The following CTNND2 variants were observed in gnomAD, a reference collection of about 807,000 sequenced individuals.
CTNND2 encodes catenin delta 2.
Under a neutral mutation model 144.4 loss-of-function variants are expected in CTNND2, and 22 were observed. That is an observed-to-expected ratio of 0.15 (90% CI 0.11 to 0.22). The LOEUF (loss-of-function observed/expected upper bound fraction) is 0.22, where lower values mean the gene tolerates loss of function less well. Among genes scored for constraint, CTNND2 ranks in the 10% least tolerant of loss-of-function variants. The probability of loss-of-function intolerance (pLI) is 1.00; values close to 1 mark genes in which losing one functional copy is unlikely to be tolerated. For missense variants in CTNND2, 1,353 were observed against 1,618.8 expected (o/e 0.84, Z 2.82); for synonymous variants, 751 against 695.6 (o/e 1.08, Z -1.25).
intron 9 of CTNND2, among the ~76,000 whole-genome samples, chr5:11,261,970 A>C (rs1744901254): frequency 6.6e-6 from 1 of 152,216 alleles, no homozygotes; most frequent in African/African-American, 2.4e-5. Context: ...TCATAAAATC[A>C]AGGTGAGTCA....
chr5:11,536,408 A>G (rs528812634), intron 3 of CTNND2, among the ~76,000 whole-genome samples: 17 of 152,142 alleles, frequency 1.1e-4, no homozygotes, highest in African/African-American at 3.9e-4. Flanking sequence ...TTATTGTACG[A>G]AAAAGATACT....
At chr5:11,726,337 G>A (rs935922274) in intron 2 of CTNND2, among the ~76,000 whole-genome samples, 1 of 151,998 alleles carries the variant, frequency 6.6e-6, no homozygotes, top group Non-Finnish European at 1.5e-5. Context: ...CTCATAGAAG[G>A]TTAAATGTAC....
intron 3 of CTNND2, among the ~76,000 whole-genome samples, chr5:11,546,536 G>C (rs1407729688): frequency 6.6e-6 from 1 of 152,052 alleles, no homozygotes; most frequent in African/African-American, 2.4e-5. Flanking sequence ...AACTTTGCTT[G>C]GTATCAGATC....
At chr5:11,069,661 G>GAGAC (rs1202623162) in intron 16 of CTNND2, among the ~76,000 whole-genome samples, 38 of 40,144 alleles carry the variant, frequency 9.5e-4, no homozygotes, top group African/African-American at 3.5e-4. Flanking sequence ...GAGAGAGAGA[G>GAGAC]AGACAGACAG....
chr5:11,868,555 T>C (rs1172201139), intron 1 of CTNND2, among the ~76,000 whole-genome samples: 4 of 152,144 alleles, frequency 2.6e-5, no homozygotes, highest in Admixed American at 6.5e-5. Flanking sequence ...CCTAAGAAGA[T>C]TGCTATCGTT....
At position 10,992,817 on chromosome 5, in the gene CTNND2, C is replaced by T. The variant is rs752950466; in HGVS notation, c.3085-140G>A. On this transcript the variant is annotated intron_variant, in intron 18 of 21. Coordinates refer to ENST00000304623, the MANE Select transcript of CTNND2 (RefSeq NM_001332.4). ...AGAGGTTCTTGAAGTTCTGCGCTCT[C>T]ATGGAGGTGAACAGAGCCAAATGTG... The T allele has an allele frequency of 7.5e-5, 88 of 1,179,756 alleles. 2 individuals are homozygous for T. The South Asian group carries it at 1.2e-3, about 17-fold the overall frequency. 73.1% of individuals were successfully genotyped at this position (1,179,756 alleles called of 1,614,324 possible).
chr5:11,117,497 G>A lies in CTNND2; in HGVS notation c.2230C>T (p.Leu744=), dbSNP rs752031679. 21 of 1,614,034 alleles carry A rather than the reference G, an allele frequency of 1.3e-5. No individual in the cohort carries two copies. Among genetic ancestry groups the A allele is most frequent in the Non-Finnish European group, 1.6e-5 (19 of 1,180,028 alleles). Residue 744 remains leucine, a synonymous_variant, in exon 13 of 22, where the codon CTG becomes TTG. Transcript: ENST00000304623. ...RECDGLTDAL[L]YVIQSALGSS... ...CCCAGCGCAGACTGGATCACGTACA[G>A]CAAGGCATCCGTAAGCCCATCACAC...
intron 11 of CTNND2, among the ~76,000 whole-genome samples, chr5:11,173,669 T>C (rs892882638): frequency 6.6e-6 from 1 of 152,238 alleles, no homozygotes; most frequent in Non-Finnish European, 1.5e-5. Flanking sequence ...GGTGGATCAA[T>C]AGCATTAAAT....
At chr5:11,148,408 A>G (rs1418480824) in intron 12 of CTNND2, among the ~76,000 whole-genome samples, 1 of 152,232 alleles carries the variant, frequency 6.6e-6, no homozygotes, top group Non-Finnish European at 1.5e-5. Context: ...TAATCTGGTC[A>G]TAACAGAAGG....
chr5:11,437,082 C>T (rs919895170), intron 3 of CTNND2, among the ~76,000 whole-genome samples: 63 of 152,100 alleles, frequency 4.1e-4, no homozygotes, highest in Non-Finnish European at 6.8e-4. Flanking sequence ...TATGCTTTTT[C>T]GGCATATGCA....
At chr5:10,992,487 G>A in intron 19 of CTNND2, 64 bp downstream of exon 19, 1 of 1,609,318 alleles carries the variant, frequency 6.2e-7, no homozygotes, top group Non-Finnish European at 8.5e-7. Context: ...CTCACGGACT[G>A]GGAAGGACCG....
chr5:11,165,746 T>G (rs1458963960), intron 11 of CTNND2, among the ~76,000 whole-genome samples: 1 of 152,242 alleles, frequency 6.6e-6, no homozygotes, highest in Non-Finnish European at 1.5e-5. Flanking sequence ...TTATCCATAT[T>G]CATGAGCAAT....
intron 1 of CTNND2, among the ~76,000 whole-genome samples, chr5:11,786,140 A>T (rs533056928): frequency 6.6e-6 from 1 of 152,286 alleles, no homozygotes; most frequent in Admixed American, 6.5e-5. Flanking sequence ...GTACCCAGCC[A>T]TCTCACAACA....
intron 2 of CTNND2, among the ~76,000 whole-genome samples, chr5:11,593,362 GCAACC>G (rs1455362657): frequency 3.3e-5 from 5 of 152,180 alleles, no homozygotes; most frequent in East Asian, 3.9e-4. Context: ...ACATTAATAG[GCAACC>G]CAATAGAAAA....
chr5:11,074,116 G>T (rs1159621488), intron 16 of CTNND2, among the ~76,000 whole-genome samples: 1 of 152,234 alleles, frequency 6.6e-6, no homozygotes, highest in East Asian at 1.9e-4. Flanking sequence ...GGTGGGATTC[G>T]TCAGGGCCAA....
intron 1 of CTNND2, among the ~76,000 whole-genome samples, chr5:11,815,692 T>C (rs1792590102): frequency 6.6e-6 from 1 of 152,180 alleles, no homozygotes; most frequent in Non-Finnish European, 1.5e-5. Context: ...AGTTTGTTAA[T>C]ACAACAGGAT....
chr5:11,389,959 C>A (rs968803598), intron 6 of CTNND2, among the ~76,000 whole-genome samples: 2 of 152,182 alleles, frequency 1.3e-5, no homozygotes, highest in Admixed American at 6.5e-5. Flanking sequence ...TGTCTTTAGA[C>A]TGGGGGGGAG....
At chr5:11,052,413 C>T (rs1035430887) in intron 16 of CTNND2, among the ~76,000 whole-genome samples, 6 of 152,152 alleles carry the variant, frequency 3.9e-5, no homozygotes, top group African/African-American at 9.7e-5. Flanking sequence ...TCCTCATTAA[C>T]GTCACTTACT....
intron 12 of CTNND2, among the ~76,000 whole-genome samples, chr5:11,157,081 C>A (rs937154116): frequency 1.3e-4 from 20 of 152,174 alleles, no homozygotes; most frequent in African/African-American, 4.6e-4. Flanking sequence ...CAAGTCCTGG[C>A]TTCACGACTT....
Sources: gnomAD v4.1 joint callset for allele counts (sites outside exome capture counted in the v4.1 genomes callset) on GRCh38, gnomAD v4.1.1 for gene constraint, MANE v1.5 for transcripts, NCBI Gene and HGNC (gene_info 2026-07-23, HGNC 2026-07-21) for gene names.